WASL: variants seen among roughly 807,000 people sequenced by gnomAD.
The protein encoded by WASL is actin nucleation-promoting factor WASL.
WASL carries 20 observed loss-of-function variants against 55.5 expected under a neutral mutation model. The ratio of observed to expected loss-of-function variants is 0.36; its 90% CI spans 0.25 to 0.52. The LOEUF (loss-of-function observed/expected upper bound fraction) is 0.52, where lower values mean the gene tolerates loss of function less well. Ranked by LOEUF, WASL falls within the 20% of genes least tolerant of loss-of-function variation. WASL has a pLI of 0.92. For missense variants in WASL, 504 were observed against 622.5 expected (o/e 0.81, Z 2.03); for synonymous variants, 249 against 217.6 (o/e 1.14, Z -1.27).
chr7:123,692,540 G>A lies in WASL; in HGVS notation c.1154C>T (p.Pro385Leu), dbSNP rs371633438. Reference protein sequence around the residue: ...PPPPPPPPPGPPPPPGLPSDG... With the variant: ...PPPPPPPPPGLPPPPGLPSDG... ...AGAAGGCAGGCCAGGCGGGGGCGGT[G>A]GCCCAGGAGGAGGTGGAGGTGGAGG... Residue 385 changes from proline to leucine, a missense_variant, in exon 9 of 11, where the codon CCA becomes CTA. This residue lies in a region of WASL where 201 missense variants were observed against 206.2 expected (regional missense o/e 0.97). Transcript: ENST00000223023. 135 of 1,614,048 alleles carry A rather than the reference G, an allele frequency of 8.4e-5. No individual in the cohort carries two copies. Among genetic ancestry groups the A allele is most frequent in the Non-Finnish European group, 1.1e-4 (134 of 1,179,998 alleles).
chr7:123,748,739 T>A lies in WASL; in HGVS notation c.-5A>T. On this transcript the variant is annotated 5_prime_UTR_variant, in exon 1 of 11. Coordinates refer to ENST00000223023, the MANE Select transcript of WASL (RefSeq NM_003941.4). ...CTGCTGCTGGACGGAGCTCATGGTTTCGCCGGCGGGGTTGGGAGTCCAGGG... is the reference window on the plus strand; with the variant it reads ...CTGCTGCTGGACGGAGCTCATGGTTACGCCGGCGGGGTTGGGAGTCCAGGG... The A allele has an allele frequency of 6.3e-7, 1 of 1,575,012 alleles. No individual in the cohort carries two copies. The highest frequency in any genetic ancestry group is 8.6e-7 in the Non-Finnish European group (1 of 1,162,792).
At position 123,718,393 on chromosome 7, in the gene WASL, C is replaced by G. The variant is rs567836346; in HGVS notation, c.118-9170G>C. On this transcript the variant is annotated intron_variant, in intron 1 of 10. Transcript: ENST00000223023. ...AGCGAATATATTCATTTTGCCAAAC[C>G]ACACTTAACGAAACAACTTTTGAAC... is the stretch of plus-strand genomic sequence containing the variant. 1.1e-4 allele frequency among the ~76,000 whole-genome samples: 17 copies of G among 152,176 alleles called. No homozygotes were observed. The East Asian group carries it at 1.2e-3, about 10-fold the overall frequency.
At chr7:123,712,389 A>T (rs1449368153) in intron 1 of WASL, among the ~76,000 whole-genome samples, 2 of 152,180 alleles carry the variant, frequency 1.3e-5, no homozygotes, top group South Asian at 4.1e-4. Flanking sequence ...TCTGATTTTG[A>T]TAATGATACT....
chr7:123,709,392 G>C (rs565762145), intron 1 of WASL, among the ~76,000 whole-genome samples, 169 bp from the exon 2 acceptor site: 1 of 152,284 alleles, frequency 6.6e-6, no homozygotes, highest in African/African-American at 2.4e-5. Flanking sequence ...ACTAGTTTCT[G>C]AAGTAATTTC....
intron 1 of WASL, among the ~76,000 whole-genome samples, chr7:123,735,394 A>C (rs1268364399): frequency 6.6e-6 from 1 of 151,274 alleles, no homozygotes; most frequent in Non-Finnish European, 1.5e-5. Flanking sequence ...AAAAAAAAAA[A>C]CAGGAAAAGA....
intron 1 of WASL, among the ~76,000 whole-genome samples, chr7:123,731,319 G>C (rs573594504): frequency 1.3e-5 from 2 of 152,186 alleles, no homozygotes; most frequent in African/African-American, 4.8e-5. Flanking sequence ...TGAGGCAAAA[G>C]CCCACATAAC....
At chr7:123,730,024 T>C (rs76498261) in intron 1 of WASL, among the ~76,000 whole-genome samples, 1,633 of 152,218 alleles carry the variant, frequency 0.011, 34 homozygotes, top group African/African-American at 0.037. Context: ...TCAGAAATCA[T>C]GCAAACAAGG....
intron 1 of WASL, among the ~76,000 whole-genome samples, chr7:123,734,367 T>C (rs940846398): frequency 6.6e-5 from 10 of 151,884 alleles, no homozygotes; most frequent in East Asian, 1.9e-4. Context: ...AAATGGCAAA[T>C]AGTCATATGA....
chr7:123,734,288 A>C (rs963556281), intron 1 of WASL, among the ~76,000 whole-genome samples: 11 of 152,200 alleles, frequency 7.2e-5, no homozygotes, highest in African/African-American at 2.2e-4. Flanking sequence ...AAAGCTCATC[A>C]ATAAGACATA....
In WASL at chr7:123,692,460, G is replaced by T. The variant is rs1323207806; in HGVS notation, c.1234C>A (p.Gln412Lys). The change falls in exon 9 of 11, where the codon CAA becomes AAA. Residue 412 changes from glutamine to lysine, a missense_variant. By Grantham distance (53) the Gln-to-Lys change is moderately conservative. Transcript: ENST00000223023. ...TTTAGCTGAGCACCCTCTCTAATTT[G>T]ATCTAAAAGAGCTGCTTTGTTTCCT... is the stretch of plus-strand genomic sequence containing the variant. The part of the protein sequence containing the change: ...TAGNKAALLD[Q>K]IREGAQLKKV... The T allele has an allele frequency of 3.1e-6, 5 of 1,614,070 alleles. No homozygotes were observed. The highest frequency in any genetic ancestry group is 4.2e-6 in the Non-Finnish European group (5 of 1,180,026).
At chr7:123,745,726 A>T (rs530980835) in intron 1 of WASL, among the ~76,000 whole-genome samples, 2 of 152,064 alleles carry the variant, frequency 1.3e-5, no homozygotes, top group Admixed American at 6.5e-5. Context: ...CATTTCTCAT[A>T]ATCTCCACAA....
chr7:123,748,870 G>C lies in WASL; in HGVS notation c.-136C>G, dbSNP rs1804495399. 1.4e-6 allele frequency: 1 copy of C among 694,266 alleles called. No homozygotes were observed. Among genetic ancestry groups the C allele is most frequent in the Middle Eastern group, 4.2e-4 (1 of 2,406 alleles). The allele number at this position is 694,266 out of a possible 1,614,324, so 43.0% of individuals were successfully genotyped here. The stretch of plus-strand genomic sequence containing the variant: ...CATCTCGCAGCTCCTCCGGAGCGGG[G>C]AGGAGGACGAGGTCGAGGGAAGCAG... On this transcript the variant is annotated 5_prime_UTR_variant, in exon 1 of 11. Coordinates refer to ENST00000223023, the MANE Select transcript of WASL (RefSeq NM_003941.4).
At chr7:123,743,838 A>C (rs1174130812) in intron 1 of WASL, among the ~76,000 whole-genome samples, 1 of 152,220 alleles carries the variant, frequency 6.6e-6, no homozygotes, top group Non-Finnish European at 1.5e-5. Flanking sequence ...ATATATATAG[A>C]GCTAAGAATA....
chr7:123,697,177 TGTTTC>T (rs1202809265), intron 5 of WASL, among the ~76,000 whole-genome samples: 1 of 152,116 alleles, frequency 6.6e-6, no homozygotes. Context: ...CTTAACTCTT[TGTTTC>T]AACTTTATTA....
At chr7:123,707,690 T>C (rs376102248) in intron 2 of WASL, among the ~76,000 whole-genome samples, 6 of 152,278 alleles carry the variant, frequency 3.9e-5, no homozygotes, top group African/African-American at 9.6e-5. Flanking sequence ...GAGTAGTAAG[T>C]GTATGCCATT....
rs1394490021 is a variant in WASL at position 123,693,551 on chromosome 7, A to C, written c.827-684T>G. ...CCAGAGACATGAACTGGTTATTAAC[A>C]AATTAACTGAGAATTTCCATACACT... is the stretch of plus-strand genomic sequence containing the variant. On this transcript the variant is annotated intron_variant, in intron 8 of 10. Coordinates refer to ENST00000223023, the MANE Select transcript of WASL (RefSeq NM_003941.4). 3.3e-5 allele frequency among the ~76,000 whole-genome samples: 5 copies of C among 152,370 alleles called. No homozygotes were observed. The East Asian group carries it at 9.6e-4, about 29-fold the overall frequency.
At chr7:123,736,636 C>T (rs1804235934) in intron 1 of WASL, among the ~76,000 whole-genome samples, 1 of 151,918 alleles carries the variant, frequency 6.6e-6, no homozygotes, top group Non-Finnish European at 1.5e-5. Context: ...TTATGTGATA[C>T]ATTACATTAT....
At chr7:123,744,993 G>C (rs2116830721) in intron 1 of WASL, among the ~76,000 whole-genome samples, 1 of 152,262 alleles carries the variant, frequency 6.6e-6, no homozygotes, top group African/African-American at 2.4e-5. Context: ...TAAAACAAAA[G>C]ATTTACTGAT....
chr7:123,701,597 ATAAT>A, intron 5 of WASL, among the ~76,000 whole-genome samples: 1 of 152,238 alleles, frequency 6.6e-6, no homozygotes, highest in East Asian at 1.9e-4. Context: ...TATCTTTTTA[ATAAT>A]TAAAATTTGA....
Sources: allele counts gnomAD v4.1 joint callset (sites outside exome capture counted in the v4.1 genomes callset), GRCh38; gene constraint gnomAD v4.1.1; regional missense constraint gnomAD v4.1.1; transcripts MANE v1.5; gene names NCBI Gene and HGNC (gene_info 2026-07-23, HGNC 2026-07-21).